Variants in PHF21B observed in about 807,000 individuals in gnomAD.
PHF21B encodes the protein PHD finger protein 4.
A neutral mutation model predicts 62.2 loss-of-function variants in PHF21B; 22 were observed. That is an observed-to-expected ratio of 0.35 (90% CI 0.25 to 0.51). The LOEUF is 0.51. PHF21B is among the 20% of genes least tolerant of loss of function. The probability of loss-of-function intolerance (pLI) is 0.97; values close to 1 mark genes in which losing one functional copy is unlikely to be tolerated. For missense variants in PHF21B, 701 were observed against 707.9 expected (o/e 0.99, Z 0.11); for synonymous variants, 341 against 314.7 (o/e 1.08, Z -0.88).
intron 2 of PHF21B, among the ~76,000 whole-genome samples, chr22:44,938,044 T>C (rs928000564): frequency 2.0e-5 from 3 of 152,274 alleles, no homozygotes; most frequent in African/African-American, 7.2e-5. Context: ...TGAATTTCAA[T>C]GTATGCAAAT....
chr22:44,887,823 C>T, intron 10 of PHF21B, 140 bp downstream of exon 10: 5 of 883,670 alleles, frequency 5.7e-6, no homozygotes, highest in Non-Finnish European at 7.6e-6. Context: ...ATTATCCAGC[C>T]CCAAATGTCA....
chr22:44,945,223 G>A (rs943571532), intron 2 of PHF21B, among the ~76,000 whole-genome samples: 5 of 152,196 alleles, frequency 3.3e-5, no homozygotes, highest in African/African-American at 7.2e-5. Context: ...CATCTCCTCC[G>A]TGTTGGGAGG....
At chr22:44,921,360 T>A (rs1424564938) in intron 2 of PHF21B, among the ~76,000 whole-genome samples, 1 of 36,698 alleles carries the variant, frequency 2.7e-5, no homozygotes, top group Non-Finnish European at 5.0e-5. Flanking sequence ...GGAACAGTTC[T>A]TTTTTTTTTT....
chr22:44,911,772 G>C, intron 5 of PHF21B, among the ~76,000 whole-genome samples: 1 of 152,366 alleles, frequency 6.6e-6, no homozygotes. Flanking sequence ...GCCCCTACAC[G>C]GAGTCTCTAC....
chr22:44,891,125 G>A (rs1367623959), intron 8 of PHF21B, among the ~76,000 whole-genome samples, 181 bp downstream of exon 8: 2 of 152,176 alleles, frequency 1.3e-5, no homozygotes, highest in Non-Finnish European at 2.9e-5. Context: ...TCACACACAG[G>A]CTGCAGGAGG....
At chr22:44,986,842 G>A (rs1427480003) in intron 2 of PHF21B, among the ~76,000 whole-genome samples, 3 of 151,896 alleles carry the variant, frequency 2.0e-5, no homozygotes, top group East Asian at 2.0e-4. Context: ...GAGGGCAGGT[G>A]CAGGCGGGGT....
Position 45,009,496 on chromosome 22 carries a change from C to G in PHF21B, c.54G>C (p.Gln18His), listed in dbSNP as rs2073386254. Residue 18 changes from glutamine (Q) to histidine (H), a missense_variant and splice_region_variant, in exon 1 of 13, where the codon CAG becomes CAC. Coordinates refer to ENST00000313237, the MANE Select transcript of PHF21B (RefSeq NM_138415.5). The surrounding 1 kb of genome is among the most constrained non-coding windows in gnomAD (Gnocchi z 5.9). ...CCGGGCCCGGCCCCCGGCCACCTAC[C>G]TGGTGGCGCGCGAGTTCCACGGCGA... ...EALAVELARH[Q>H]NGDLKKQLHE... is the part of the protein sequence containing the mutation. 6.5e-7 allele frequency: 1 copy of G among 1,549,260 alleles called. No homozygotes were observed. Among genetic ancestry groups the G allele is most frequent in the Non-Finnish European group, 8.7e-7 (1 of 1,155,812 alleles).
At chr22:44,933,115 C>CTTTTT (rs35793325) in intron 2 of PHF21B, among the ~76,000 whole-genome samples, 8 of 141,010 alleles carry the variant, frequency 5.7e-5, no homozygotes, top group Non-Finnish European at 1.2e-4. Context: ...TCTTCTATTT[C>CTTTTT]TTTTTTTTTT....
chr22:44,969,388 G>C (rs975612916), intron 2 of PHF21B, among the ~76,000 whole-genome samples: 1 of 152,234 alleles, frequency 6.6e-6, no homozygotes, highest in African/African-American at 2.4e-5. Context: ...GGAGCCGGCC[G>C]GGCACGGTGG....
At chr22:44,961,865 T>C (rs143155061) in intron 2 of PHF21B, among the ~76,000 whole-genome samples, 3,956 of 150,602 alleles carry the variant, frequency 0.026, 175 homozygotes, top group African/African-American at 0.09. Flanking sequence ...AATAAATAAA[T>C]AAATAAATAA....
Position 44,896,016 on chromosome 22 carries a change from C to G in PHF21B, c.883+16G>C, listed in dbSNP as rs2071050819. ...CAGTCCCAGCCCAACCTGCTGCTAC[C>G]TGGATCCTTCCTTACCTTCCAAATG... On this transcript the variant is annotated intron_variant, in intron 6 of 12. Transcript: ENST00000313237. The G allele has an allele frequency of 2.5e-6, 4 of 1,614,186 alleles. No individual in the cohort carries two copies. In the African/African-American group the frequency reaches 5.3e-5, roughly 22 times the overall value.
At chr22:44,916,738 C>G (rs1227977223) in intron 3 of PHF21B, 108 bp from the exon 4 acceptor site, 1 of 994,162 alleles carries the variant, frequency 1.0e-6, no homozygotes, top group East Asian at 2.5e-5. Context: ...AGGGGCAGCA[C>G]TGGAAAGAGC....
chr22:44,997,296 C>T (rs534324253), intron 2 of PHF21B, among the ~76,000 whole-genome samples: 1 of 152,168 alleles, frequency 6.6e-6, no homozygotes, highest in South Asian at 2.1e-4. Flanking sequence ...CCCACTTCTG[C>T]CACTTCCCAT....
intron 2 of PHF21B, among the ~76,000 whole-genome samples, chr22:44,936,199 C>G (rs1468429423): frequency 6.6e-6 from 1 of 152,196 alleles, no homozygotes; most frequent in Non-Finnish European, 1.5e-5. Context: ...GGGAGAGCTA[C>G]GGAACGGGGC....
chr22:45,009,079 A>C lies in PHF21B; in HGVS notation c.54+417T>G. On this transcript the variant is annotated intron_variant, in intron 1 of 12. Transcript: ENST00000313237. The surrounding 1 kb of genome is among the most constrained non-coding windows in gnomAD (Gnocchi z 5.9). ...TCCGGCCGCCACGCCGCCGCTCGCCAGCAGCGATCGCCAAAACTACTTCTG... is the reference window on the plus strand; with the variant it reads ...TCCGGCCGCCACGCCGCCGCTCGCCCGCAGCGATCGCCAAAACTACTTCTG... 2.7e-6 allele frequency: 3 copies of C among 1,096,202 alleles called. No individual in the cohort carries two copies. The highest frequency in any genetic ancestry group is 3.4e-6 in the Non-Finnish European group (3 of 889,854). 67.9% of individuals were successfully genotyped at this position (1,096,202 alleles called of 1,614,324 possible).
intron 2 of PHF21B, among the ~76,000 whole-genome samples, chr22:44,985,055 G>C (rs557709806): frequency 5.6e-4 from 85 of 152,344 alleles, no homozygotes; most frequent in Middle Eastern, 6.8e-3. Context: ...GCATCCTCCA[G>C]GAACACAAGG....
At chr22:44,927,171 T>C (rs2071649379) in intron 2 of PHF21B, among the ~76,000 whole-genome samples, 1 of 151,772 alleles carries the variant, frequency 6.6e-6, no homozygotes, top group Non-Finnish European at 1.5e-5. Flanking sequence ...GGAAGAGCTA[T>C]TTCCACTTGA....
At chr22:44,895,826 G>A (rs1005419036) in intron 6 of PHF21B, among the ~76,000 whole-genome samples, 1 of 152,134 alleles carries the variant, frequency 6.6e-6, no homozygotes, top group Non-Finnish European at 1.5e-5. Context: ...AGGCACTTGG[G>A]GCAGACCTCC....
chr22:44,979,379 G>A (rs62232251), intron 2 of PHF21B, among the ~76,000 whole-genome samples: 43,958 of 152,248 alleles, frequency 0.29, 8,146 homozygotes, highest in Non-Finnish European at 0.42. Flanking sequence ...ACAGGCACCC[G>A]AGGTCGTGCA....
Sources: gnomAD v4.1 joint callset for allele counts (sites outside exome capture counted in the v4.1 genomes callset) on GRCh38, gnomAD v4.1.1 for gene constraint, Gnocchi (gnomAD v3.1) non-coding constraint, MANE v1.5 for transcripts, NCBI Gene and HGNC (gene_info 2026-07-23, HGNC 2026-07-21) for gene names.